GORASP2: variants seen among roughly 807,000 people sequenced by gnomAD.
GORASP2 encodes the protein Golgi reassembly-stacking protein 2.
In GORASP2, 22 loss-of-function variants were observed where a neutral mutation model predicts 45.7. The ratio of observed to expected loss-of-function variants is 0.48; its 90% CI spans 0.34 to 0.69. GORASP2 has a LOEUF of 0.69. Among genes scored for constraint, GORASP2 ranks in the 30% least tolerant of loss-of-function variants. The probability of loss-of-function intolerance (pLI) is 0.01; values close to 1 mark genes in which losing one functional copy is unlikely to be tolerated. For missense variants in GORASP2, 491 were observed against 562.7 expected (o/e 0.87, Z 1.29); for synonymous variants, 221 against 215.6 (o/e 1.02, Z -0.22).
At chr2:170,963,305 G>A (rs999336191) in intron 9 of GORASP2, among the ~76,000 whole-genome samples, 11 of 151,050 alleles carry the variant, frequency 7.3e-5, no homozygotes, top group African/African-American at 2.4e-4. Context: ...AACCCAGGAG[G>A]TGGAGGTTGC....
chr2:170,948,241 G>GT (rs1484965477), intron 1 of GORASP2, 109 bp from the exon 2 acceptor site: 1 of 710,500 alleles, frequency 1.4e-6, no homozygotes, highest in African/African-American at 1.8e-5. Flanking sequence ...AGCGTGTACT[G>GT]TATTTCATTA....
In GORASP2 at chr2:170,956,471, AC is replaced by A; in HGVS notation, c.737del (p.Pro246HisfsTer11). Reference protein sequence around the residue: ...LSSVNPPSLSPPGTTGIEQSL... With the variant: ...LSSVNPPSLSXPGTTGIEQSL... Reference sequence around the variant, plus strand: ...CCTCAGTTAATCCCCCGTCTTTGTCACCACCAGGAACTACAGGAATTGAACA... The same window carrying A: ...CCTCAGTTAATCCCCCGTCTTTGTCACACCAGGAACTACAGGAATTGAACA... On this transcript the variant is annotated frameshift_variant, in exon 7 of 10. Transcript: ENST00000234160. LOFTEE classifies it high-confidence loss of function. The A allele has an allele frequency of 6.2e-7, 1 of 1,612,968 alleles. No homozygotes were observed. Among genetic ancestry groups the A allele is most frequent in the Non-Finnish European group, 8.5e-7 (1 of 1,179,496 alleles).
chr2:170,931,833 G>C (rs1467042280), intron 1 of GORASP2, among the ~76,000 whole-genome samples: 1 of 152,180 alleles, frequency 6.6e-6, no homozygotes, highest in Non-Finnish European at 1.5e-5. Flanking sequence ...CATATTTTCA[G>C]ATTGTGATCA....
intron 5 of GORASP2, 73 bp from the exon 6 acceptor site, chr2:170,954,577 C>CT: frequency 5.4e-6 from 7 of 1,293,466 alleles, no homozygotes. Context: ...TTACCCGCCC[C>CT]CCCCAAAAAA....
chr2:170,935,254 A>G (rs1054034732), intron 1 of GORASP2, among the ~76,000 whole-genome samples: 1 of 151,732 alleles, frequency 6.6e-6, no homozygotes, highest in Non-Finnish European at 1.5e-5. Context: ...TGTTGATTAT[A>G]TACACTTTTT....
intron 5 of GORASP2, among the ~76,000 whole-genome samples, chr2:170,952,249 A>G (rs1704315892): frequency 6.6e-6 from 1 of 152,230 alleles, no homozygotes; most frequent in African/African-American, 2.4e-5. Flanking sequence ...GTGAAGACCA[A>G]CAGCAAAGAA....
chr2:170,954,491 ATTTGT>A lies in GORASP2; in HGVS notation c.567-156_567-152del, dbSNP rs1320961739. On this transcript the variant is annotated intron_variant, in intron 5 of 9. Coordinates refer to ENST00000234160, the MANE Select transcript of GORASP2 (RefSeq NM_015530.5). ...GATGACATTATCTAAAAGAATAGAA[ATTTGT>A]TTGTTTTTATCTTTTAAAATCTCAA... The A allele has an allele frequency of 6.6e-6, 4 of 610,248 alleles. No homozygotes were observed. In the East Asian group the frequency reaches 1.1e-4, roughly 17 times the overall value. The allele number at this position is 610,248 out of a possible 1,614,324, so 37.8% of individuals were successfully genotyped here. A position where few individuals can be genotyped will look rare whatever the true frequency, so the allele number is the denominator to read the frequency against.
chr2:170,949,760 A>G lies in GORASP2; in HGVS notation c.348+18A>G. The G allele has an allele frequency of 6.5e-7, 1 of 1,529,096 alleles. No individual in the cohort carries two copies. Among genetic ancestry groups the G allele is most frequent in the Non-Finnish European group, 9.1e-7 (1 of 1,102,402 alleles). 94.7% of individuals were successfully genotyped at this position (1,529,096 alleles called of 1,614,324 possible). A position where few individuals can be genotyped will look rare whatever the true frequency, so the allele number is the denominator to read the frequency against. Reference sequence around the variant, plus strand: ...ATGTGCTGGTACGTATCAACTGTGAACTGTTACTGGAGGTTCATGAAGCAG... The same window carrying G: ...ATGTGCTGGTACGTATCAACTGTGAGCTGTTACTGGAGGTTCATGAAGCAG... On this transcript the variant is annotated intron_variant, in intron 3 of 9. Transcript: ENST00000234160.
chr2:170,930,986 A>C (rs1703809224), intron 1 of GORASP2, among the ~76,000 whole-genome samples: 1 of 124,482 alleles, frequency 8.0e-6, no homozygotes, highest in Non-Finnish European at 1.9e-5. Context: ...AAAAAAAAAA[A>C]AAAAGTCGCG....
intron 1 of GORASP2, among the ~76,000 whole-genome samples, chr2:170,946,966 T>A (rs1415772955): frequency 6.6e-6 from 1 of 151,900 alleles, no homozygotes; most frequent in Non-Finnish European, 1.5e-5. Flanking sequence ...AAAAGATGAA[T>A]TTTTGAGTTT....
intron 1 of GORASP2, 39 bp downstream of exon 1, chr2:170,929,442 A>G: frequency 1.5e-6 from 2 of 1,329,444 alleles, no homozygotes; most frequent in East Asian, 3.1e-5. Context: ...TGCGGGCTGG[A>G]GGCGGGGCCG....
intron 7 of GORASP2, among the ~76,000 whole-genome samples, 199 bp downstream of exon 7, chr2:170,956,758 T>C (rs1704435885): frequency 1.3e-5 from 2 of 152,016 alleles, no homozygotes; most frequent in South Asian, 4.2e-4. Flanking sequence ...AAAAAAACTT[T>C]TTTTAATTAG....
intron 8 of GORASP2, 45 bp from the exon 9 acceptor site, chr2:170,962,794 C>T: frequency 7.9e-7 from 1 of 1,265,908 alleles, no homozygotes; most frequent in Non-Finnish European, 1.2e-6. Flanking sequence ...ATTTCTTCCC[C>T]AGGTCAAGTG....
intron 1 of GORASP2, among the ~76,000 whole-genome samples, chr2:170,943,771 C>T (rs1704126256): frequency 1.3e-5 from 2 of 152,246 alleles, no homozygotes; most frequent in Admixed American, 1.3e-4. Flanking sequence ...CTCCTGGGCT[C>T]GAGCAATCCT....
intron 5 of GORASP2, among the ~76,000 whole-genome samples, chr2:170,951,834 C>G (rs900889744): frequency 6.6e-6 from 1 of 152,192 alleles, no homozygotes; most frequent in Non-Finnish European, 1.5e-5. Context: ...GAAAAGCTTC[C>G]GTTTGCTCAC....
chr2:170,952,582 A>G (rs1426144000), intron 5 of GORASP2, among the ~76,000 whole-genome samples: 1 of 152,246 alleles, frequency 6.6e-6, no homozygotes, highest in East Asian at 1.9e-4. Context: ...ACTTTGACCA[A>G]TAAGCACCTT....
chr2:170,963,359 A>T (rs1704609282), intron 9 of GORASP2, among the ~76,000 whole-genome samples: 1 of 147,304 alleles, frequency 6.8e-6, no homozygotes. Flanking sequence ...TGGGCAACAG[A>T]GCAAGACTTC....
Position 170,949,667 on chromosome 2 carries a change from C to T in GORASP2, c.273C>T (p.Gly91=), listed in dbSNP as rs546067917. The T allele has an allele frequency of 1.2e-5, 20 of 1,614,018 alleles. No homozygotes were observed. Among genetic ancestry groups the T allele is most frequent in the African/African-American group, 6.7e-5 (5 of 75,028 alleles). The change falls in exon 3 of 10, where the codon GGC becomes GGT. Residue 91 remains glycine, a synonymous_variant. Coordinates refer to ENST00000234160, the MANE Select transcript of GORASP2 (RefSeq NM_015530.5). The stretch of plus-strand genomic sequence containing the variant: ...CAGTCACACCAAGTAACCTGTGGGG[C>T]GGCCAGGGCTTATTGGGAGTGAGCA... ...ETSVTPSNLW[G]GQGLLGVSIR...
chr2:170,960,416 C>G (rs891061937), intron 7 of GORASP2, among the ~76,000 whole-genome samples: 2 of 152,166 alleles, frequency 1.3e-5, no homozygotes, highest in Non-Finnish European at 2.9e-5. Flanking sequence ...CTTGTGGGCC[C>G]TAGATTTAGA....
Sources: allele counts gnomAD v4.1 joint callset (sites outside exome capture counted in the v4.1 genomes callset), GRCh38; gene constraint gnomAD v4.1.1; transcripts MANE v1.5; gene names NCBI Gene and HGNC (gene_info 2026-07-23, HGNC 2026-07-21).